Variants in PRKG1 observed in about 807,000 individuals in gnomAD.
The protein encoded by PRKG1 is cGMP-dependent protein kinase 1.
A neutral mutation model predicts 88.1 loss-of-function variants in PRKG1; 35 were observed. The ratio of observed to expected loss-of-function variants is 0.40; its 90% CI spans 0.30 to 0.53. PRKG1 has a LOEUF of 0.53. Ranked by LOEUF, PRKG1 falls within the 20% of genes least tolerant of loss-of-function variation. The pLI is 0.59. For synonymous variants in PRKG1, 303 were observed against 292.5 expected (o/e 1.04, Z -0.37); for missense variants, 540 against 839.8 (o/e 0.64, Z 4.41).
chr10:51,105,256 T>C (rs1844803690), intron 1 of PRKG1, among the ~76,000 whole-genome samples: 1 of 152,230 alleles, frequency 6.6e-6, no homozygotes, highest in South Asian at 2.1e-4. Flanking sequence ...AAAAACATTC[T>C]GGAGCAAATA....
intron 2 of PRKG1, among the ~76,000 whole-genome samples, chr10:51,311,060 C>T (rs544851500): frequency 6.6e-6 from 1 of 152,138 alleles, no homozygotes; most frequent in African/African-American, 2.4e-5. Context: ...ACTATGGGTG[C>T]AGAAAAAGGG....
intron 1 of PRKG1, among the ~76,000 whole-genome samples, chr10:51,054,401 T>C (rs1396678643): frequency 6.6e-6 from 1 of 152,182 alleles, no homozygotes; most frequent in Non-Finnish European, 1.5e-5. Context: ...TGACTGAAAA[T>C]TAAATGTTAC....
At chr10:51,865,774 C>G (rs1259861720) in intron 4 of PRKG1, among the ~76,000 whole-genome samples, 1 of 151,950 alleles carries the variant, frequency 6.6e-6, no homozygotes, top group Non-Finnish European at 1.5e-5. Flanking sequence ...ATCTGATTTC[C>G]AGTGATTGAA....
intron 5 of PRKG1, among the ~76,000 whole-genome samples, chr10:51,932,309 A>G (rs1485588366): frequency 6.6e-6 from 1 of 152,134 alleles, no homozygotes; most frequent in African/African-American, 2.4e-5. Flanking sequence ...GCAAGAAAAG[A>G]ACATTGAGAA....
intron 3 of PRKG1, among the ~76,000 whole-genome samples, chr10:51,700,533 T>C (rs1841438604): frequency 6.6e-6 from 1 of 152,220 alleles, no homozygotes; most frequent in South Asian, 2.1e-4. Flanking sequence ...TGTCTTCTGC[T>C]GTTAGCTTTG....
At chr10:51,251,329 C>T (rs1334201906) in intron 2 of PRKG1, among the ~76,000 whole-genome samples, 1 of 151,722 alleles carries the variant, frequency 6.6e-6, no homozygotes, top group Non-Finnish European at 1.5e-5. Context: ...TACAAGGTGT[C>T]AGTCCTCTTA....
intron 5 of PRKG1, among the ~76,000 whole-genome samples, chr10:52,023,302 A>G (rs1845237524): frequency 6.6e-6 from 1 of 152,122 alleles, no homozygotes; most frequent in Non-Finnish European, 1.5e-5. Flanking sequence ...CATTTTCTTT[A>G]TCCAGTCTAT....
intron 2 of PRKG1, among the ~76,000 whole-genome samples, chr10:51,449,409 G>T (rs1402352399): frequency 6.6e-6 from 1 of 150,658 alleles, no homozygotes; most frequent in Admixed American, 6.6e-5. Flanking sequence ...TCACTGAAGA[G>T]CTTTAATTTT....
Position 52,288,956 on chromosome 10 carries a change from A to G in PRKG1, c.1858A>G (p.Asn620Asp). 3 of 1,609,852 alleles carry G rather than the reference A, an allele frequency of 1.9e-6. No individual in the cohort carries two copies. Among genetic ancestry groups the G allele is most frequent in the Non-Finnish European group, 2.5e-6 (3 of 1,177,394 alleles). ...GGACAATCCATCAGAAAGATTAGGGAATTTGAAAAATGGAGTAAAAGACAT... is the reference window on the plus strand; with the variant it reads ...GGACAATCCATCAGAAAGATTAGGGGATTTGAAAAATGGAGTAAAAGACAT... ...CRDNPSERLG[N>D]LKNGVKDIQK... is the part of the protein sequence containing the mutation. Residue 620 changes from asparagine (N) to aspartate (D), a missense_variant, in exon 16 of 18, where the codon AAT becomes GAT. Asn to Asp is a conservative substitution (Grantham distance 23). Around this residue, in one of 5 missense-constraint regions of PRKG1, gnomAD observed 97 missense variants for 210.6 expected, o/e 0.46. Coordinates refer to ENST00000373980, the MANE Select transcript of PRKG1 (RefSeq NM_006258.4).
At chr10:52,123,969 AC>A (rs903422007) in intron 7 of PRKG1, among the ~76,000 whole-genome samples, 5 of 152,098 alleles carry the variant, frequency 3.3e-5, no homozygotes, top group African/African-American at 1.2e-4. Flanking sequence ...TGCTTATGTT[AC>A]AATAAGCTCT....
Position 50,996,115 on chromosome 10 carries a change from G to A in PRKG1, c.266+4471G>A, listed in dbSNP as rs74701352. On this transcript the variant is annotated intron_variant, in intron 1 of 17. Coordinates refer to the PRKG1 transcript ENST00000401604. ...GGAAAATACACAATGCTATAAAATA[G>A]CAATGAAAGCAATAATAGAGATAGC... Among the ~76,000 whole-genome samples the A allele has an allele frequency of 3.3e-5, 5 of 152,242 alleles. No homozygotes were observed. In the East Asian group the frequency reaches 9.7e-4, roughly 29 times the overall value.
At chr10:52,280,670 G>GAAT in intron 12 of PRKG1, 119 bp from the exon 13 acceptor site, 1 of 1,050,198 alleles carries the variant, frequency 9.5e-7, no homozygotes, top group South Asian at 1.5e-5. Context: ...TAGCTAGCAG[G>GAAT]ACAGTGATCT....
chr10:51,006,792 G>T (rs1413166803), intron 1 of PRKG1, among the ~76,000 whole-genome samples: 1 of 151,826 alleles, frequency 6.6e-6, no homozygotes, highest in Admixed American at 6.6e-5. Context: ...GATATATTTA[G>T]CTGTGCTAAG....
rs75411997 is a variant in PRKG1 at position 52,188,004 on chromosome 10, T to G, written c.1076+26041T>G. Among the ~76,000 whole-genome samples the G allele has an allele frequency of 0.028, 4,220 of 152,116 alleles. 307 individuals are homozygous for G. The East Asian group carries it at 0.31, about 11-fold the overall frequency. On this transcript the variant is annotated intron_variant, in intron 9 of 17. Coordinates refer to ENST00000373980, the MANE Select transcript of PRKG1 (RefSeq NM_006258.4). ...TTAAAACAGTAGACTGCTGGAGTTA[T>G]TGTAAAACAGTAGACTTTTACAATG...
At chr10:51,031,130 T>C (rs112631529) in intron 1 of PRKG1, among the ~76,000 whole-genome samples, 59 of 152,344 alleles carry the variant, frequency 3.9e-4, no homozygotes, top group African/African-American at 1.4e-3. Context: ...TTCAAAAGTA[T>C]TCATTGATGA....
chr10:51,648,069 T>C (rs571581267), intron 3 of PRKG1, among the ~76,000 whole-genome samples: 17 of 151,618 alleles, frequency 1.1e-4, no homozygotes, highest in Non-Finnish European at 2.2e-4. Flanking sequence ...CACACACATA[T>C]GTAATGTTTA....
At chr10:51,995,202 GGACCACC>G (rs1844408414) in intron 5 of PRKG1, among the ~76,000 whole-genome samples, 1 of 151,084 alleles carries the variant, frequency 6.6e-6, no homozygotes, top group Non-Finnish European at 1.5e-5. Flanking sequence ...AGCAACTTTG[GGACCACC>G]GAAACCATTC....
intron 3 of PRKG1, among the ~76,000 whole-genome samples, chr10:51,604,219 T>C (rs1332005416): frequency 6.6e-6 from 1 of 152,028 alleles, no homozygotes; most frequent in African/African-American, 2.4e-5. Flanking sequence ...GAGCTGTGGT[T>C]CTCTCAGCCT....
At chr10:51,858,389 TAATATATATAATATATATAAAA>T (rs796454351) in intron 4 of PRKG1, among the ~76,000 whole-genome samples, 3,050 of 29,878 alleles carry the variant, frequency 0.1, 540 homozygotes, top group South Asian at 0.22. Flanking sequence ...AATATATATA[TAATATATATAATATATATAAAA>T]TATATATATA....
Sources: gnomAD v4.1 joint callset for allele counts (sites outside exome capture counted in the v4.1 genomes callset) on GRCh38, gnomAD v4.1.1 for gene constraint, gnomAD v4.1.1 regional missense constraint, MANE v1.5 for transcripts, NCBI Gene and HGNC (gene_info 2026-07-23, HGNC 2026-07-21) for gene names.